Variants in SHISA9 observed in about 807,000 individuals in gnomAD.
SHISA9 encodes the protein shisa family member 9, also known as protein shisa-9.
SHISA9 carries 13 observed loss-of-function variants against 38.0 expected under a neutral mutation model. The observed-to-expected ratio is 0.34, with a 90% CI of 0.22 to 0.54. SHISA9 has a LOEUF of 0.54. SHISA9 is among the 20% of genes least tolerant of loss of function. The pLI, the probability that SHISA9 is intolerant of heterozygous loss-of-function variation, is 0.91. For missense variants in SHISA9, 538 were observed against 575.8 expected (o/e 0.93, Z 0.67); for synonymous variants, 275 against 242.0 (o/e 1.14, Z -1.27).
the SHISA9 span, among the ~76,000 whole-genome samples, chr16:13,506,251 A>G: frequency 6.6e-6 from 1 of 152,126 alleles, no homozygotes; most frequent in Non-Finnish European, 1.5e-5. Flanking sequence ...CTATATCCTG[A>G]GTATCTGCCA....
intron 2 of SHISA9, among the ~76,000 whole-genome samples, chr16:12,999,572 C>T (rs976264366): frequency 2.6e-5 from 4 of 152,140 alleles, no homozygotes; most frequent in East Asian, 1.9e-4. Context: ...AAAGATATGA[C>T]GTCATTGAAA....
At chr16:13,507,765 T>C in the SHISA9 span, among the ~76,000 whole-genome samples, 1 of 152,168 alleles carries the variant, frequency 6.6e-6, no homozygotes, top group Admixed American at 6.5e-5. Flanking sequence ...GAACAACCTC[T>C]ACCCAGAGGC....
chr16:13,463,645 A>G, the SHISA9 span, among the ~76,000 whole-genome samples: 66 of 152,348 alleles, frequency 4.3e-4, no homozygotes, highest in African/African-American at 1.5e-3. Flanking sequence ...CTGTTGCCTT[A>G]AAGAAAGAGC....
chr16:13,091,795 A>G (rs1031215824), intron 2 of SHISA9, among the ~76,000 whole-genome samples: 1 of 152,142 alleles, frequency 6.6e-6, no homozygotes, highest in Non-Finnish European at 1.5e-5. Flanking sequence ...TCTGAAGCCT[A>G]CTTCTGTCAA....
intron 2 of SHISA9, among the ~76,000 whole-genome samples, chr16:13,137,044 C>G (rs1403417723): frequency 6.6e-6 from 1 of 152,176 alleles, no homozygotes; most frequent in African/African-American, 2.4e-5. Flanking sequence ...ACACATGATA[C>G]CACCTTGCAT....
the SHISA9 span, among the ~76,000 whole-genome samples, chr16:13,555,930 C>CTA: frequency 6.6e-6 from 1 of 152,210 alleles, no homozygotes; most frequent in Admixed American, 6.5e-5. Flanking sequence ...TCAGATCTTA[C>CTA]TCTATATGCT....
chr16:12,968,285 C>T (rs1020912194), intron 2 of SHISA9, among the ~76,000 whole-genome samples: 4 of 146,152 alleles, frequency 2.7e-5, no homozygotes, highest in South Asian at 2.3e-4. Context: ...AAGGCTGGGA[C>T]ACATTTGTCA....
At chr16:13,545,635 A>T in the SHISA9 span, among the ~76,000 whole-genome samples, 1 of 152,182 alleles carries the variant, frequency 6.6e-6, no homozygotes, top group South Asian at 2.1e-4. Context: ...CTTCCTGAAC[A>T]TTCCACCTGT....
chr16:12,916,250 C>A (rs180911791), intron 1 of SHISA9, among the ~76,000 whole-genome samples: 1 of 152,034 alleles, frequency 6.6e-6, no homozygotes, highest in African/African-American at 2.4e-5. Context: ...TTAGTTAAGA[C>A]GTAATGCGAT....
intron 4 of SHISA9, among the ~76,000 whole-genome samples, chr16:13,234,269 A>G (rs765164349): frequency 6.6e-6 from 1 of 152,236 alleles, no homozygotes; most frequent in Admixed American, 6.5e-5. Context: ...ATAGAACATT[A>G]CTTGAGAAAT....
the SHISA9 span, among the ~76,000 whole-genome samples, chr16:13,317,323 G>C: frequency 6.6e-6 from 1 of 152,204 alleles, no homozygotes; most frequent in Non-Finnish European, 1.5e-5. Context: ...CAAAATGCAA[G>C]AGTCAACATT....
At chr16:12,992,638 C>T (rs1236662306) in intron 2 of SHISA9, among the ~76,000 whole-genome samples, 1 of 152,132 alleles carries the variant, frequency 6.6e-6, no homozygotes, top group Non-Finnish European at 1.5e-5. Context: ...GTTTTTCTGC[C>T]TCAGAGGCCA....
chr16:13,193,477 G>A lies in SHISA9; in HGVS notation c.692-9917G>A, dbSNP rs186549945. ...AGCGATTCTCCTGCCTCAGCCTCCC[G>A]AGTAGCTGGTATTACAGCTACCATG... On this transcript the variant is annotated intron_variant, in intron 2 of 4. Coordinates refer to ENST00000558583, the MANE Select transcript of SHISA9 (RefSeq NM_001145204.3). 1.7e-4 allele frequency among the ~76,000 whole-genome samples: 26 copies of A among 151,992 alleles called. No individual in the cohort carries two copies. In the East Asian group the frequency reaches 4.9e-3, roughly 28 times the overall value.
At chr16:13,387,545 A>C in the SHISA9 span, among the ~76,000 whole-genome samples, 2 of 151,078 alleles carry the variant, frequency 1.3e-5, no homozygotes, top group African/African-American at 4.9e-5. Flanking sequence ...GCTGGAGAGC[A>C]GTGGTGCCAT....
At chr16:13,418,654 A>T in the SHISA9 span, among the ~76,000 whole-genome samples, 1 of 152,204 alleles carries the variant, frequency 6.6e-6, no homozygotes, top group African/African-American at 2.4e-5. Context: ...ATGTGGGGCA[A>T]ACTGGGATGT....
intron 2 of SHISA9, among the ~76,000 whole-genome samples, chr16:13,160,099 G>T (rs153091): frequency 0.77 from 116,803 of 152,090 alleles, 44,936 homozygotes; most frequent in East Asian, 0.88. Flanking sequence ...TAAGTGTGGA[G>T]GTCAATGAGG....
chr16:12,975,176 A>C (rs1379846653), intron 2 of SHISA9, among the ~76,000 whole-genome samples: 1 of 152,184 alleles, frequency 6.6e-6, no homozygotes, highest in Non-Finnish European at 1.5e-5. Flanking sequence ...AACTGTACCC[A>C]GTGGAAGAGG....
chr16:13,033,843 CT>C (rs1448879367), intron 2 of SHISA9, among the ~76,000 whole-genome samples: 2 of 152,190 alleles, frequency 1.3e-5, no homozygotes, highest in African/African-American at 2.4e-5. Context: ...ATGAAAGAAG[CT>C]TATTAAGATA....
intron 2 of SHISA9, among the ~76,000 whole-genome samples, chr16:13,017,232 C>T (rs1324727852): frequency 6.6e-5 from 10 of 152,112 alleles, no homozygotes; most frequent in Admixed American, 2.0e-4. Context: ...GTTGGCCAGG[C>T]TGGTCTCAAA....
Sources: allele counts gnomAD v4.1 joint callset (sites outside exome capture counted in the v4.1 genomes callset), GRCh38; gene constraint gnomAD v4.1.1; transcripts MANE v1.5; gene names NCBI Gene and HGNC (gene_info 2026-07-23, HGNC 2026-07-21).